SLC9A9: variants seen among roughly 807,000 people sequenced by gnomAD.
SLC9A9 encodes solute carrier family 9 member A9.
A neutral mutation model predicts 77.8 loss-of-function variants in SLC9A9; 62 were observed. The observed-to-expected ratio is 0.80, with a 90% CI of 0.65 to 0.98. The LOEUF (loss-of-function observed/expected upper bound fraction) is 0.98, where lower values mean the gene tolerates loss of function less well. Ranked by LOEUF, SLC9A9 falls within the 50% of genes least tolerant of loss-of-function variation. SLC9A9 has a pLI of 0.00. For synonymous variants in SLC9A9, 320 were observed against 283.5 expected (o/e 1.13, Z -1.29); for missense variants, 775 against 774.9 (o/e 1.00, Z 0.00).
intron 9 of SLC9A9, among the ~76,000 whole-genome samples, chr3:143,524,910 C>T (rs1023855399): frequency 2.6e-5 from 4 of 152,130 alleles, no homozygotes; most frequent in South Asian, 2.1e-4. Flanking sequence ...TGCCATGTTA[C>T]GATGCCATAG....
chr3:143,402,274 G>A (rs1246114492), intron 12 of SLC9A9, among the ~76,000 whole-genome samples: 2 of 152,098 alleles, frequency 1.3e-5, no homozygotes, highest in Admixed American at 1.3e-4. Flanking sequence ...AAAATCCTTT[G>A]GCATGAATAG....
chr3:143,631,504 G>A (rs746428049), intron 6 of SLC9A9, among the ~76,000 whole-genome samples: 13 of 152,114 alleles, frequency 8.5e-5, no homozygotes, highest in Non-Finnish European at 1.9e-4. Flanking sequence ...CAGGGGTTGG[G>A]CAGGCAATGT....
At chr3:143,286,265 T>C (rs1170111489) in intron 14 of SLC9A9, among the ~76,000 whole-genome samples, 3 of 152,146 alleles carry the variant, frequency 2.0e-5, no homozygotes, top group Admixed American at 2.0e-4. Flanking sequence ...GCAGTAGTGG[T>C]AGGAAGGGGT....
intron 3 of SLC9A9, among the ~76,000 whole-genome samples, chr3:143,796,615 T>G (rs867735848): frequency 9.2e-5 from 14 of 152,188 alleles, no homozygotes; most frequent in African/African-American, 3.4e-4. Flanking sequence ...AAGAGCTCAA[T>G]AGTTACATGT....
chr3:143,659,990 C>A (rs896560783), intron 5 of SLC9A9, among the ~76,000 whole-genome samples: 13 of 152,202 alleles, frequency 8.5e-5, no homozygotes, highest in African/African-American at 3.1e-4. Context: ...TGCCTGCCAC[C>A]GTGTAAGACG....
chr3:143,583,888 T>A (rs2037496295), intron 6 of SLC9A9, among the ~76,000 whole-genome samples: 1 of 152,174 alleles, frequency 6.6e-6, no homozygotes, highest in Non-Finnish European at 1.5e-5. Flanking sequence ...CCTACCATCT[T>A]TGGGTGGCAG....
intron 12 of SLC9A9, among the ~76,000 whole-genome samples, chr3:143,464,083 A>C (rs1051975838): frequency 6.6e-6 from 1 of 152,218 alleles, no homozygotes; most frequent in Non-Finnish European, 1.5e-5. Context: ...AAGGCCACGT[A>C]AAGTAGATAA....
chr3:143,445,071 T>C (rs184201534), intron 12 of SLC9A9, among the ~76,000 whole-genome samples: 8 of 152,262 alleles, frequency 5.3e-5, no homozygotes, highest in Admixed American at 4.6e-4. Flanking sequence ...GGTCAGAAAG[T>C]AAGCCACCTC....
At chr3:143,600,993 G>A (rs1351445590) in intron 6 of SLC9A9, among the ~76,000 whole-genome samples, 3 of 152,118 alleles carry the variant, frequency 2.0e-5, no homozygotes, top group South Asian at 2.1e-4. Context: ...GGATGTAAGC[G>A]GAAATGTTGC....
intron 12 of SLC9A9, among the ~76,000 whole-genome samples, chr3:143,408,573 G>A (rs960097889): frequency 2.6e-5 from 4 of 152,228 alleles, no homozygotes; most frequent in African/African-American, 9.6e-5. Context: ...GCCTCGAGCA[G>A]GGTGTCTTTC....
At chr3:143,518,144 C>G (rs921208285) in intron 9 of SLC9A9, 1 of 1,600,234 alleles carries the variant, frequency 6.2e-7, no homozygotes, top group Non-Finnish European at 8.5e-7. Flanking sequence ...CCTCAGGAAG[C>G]GCATTTCCTC....
intron 6 of SLC9A9, among the ~76,000 whole-genome samples, chr3:143,593,027 G>A (rs1422482690): frequency 1.3e-5 from 2 of 152,112 alleles, no homozygotes; most frequent in Non-Finnish European, 2.9e-5. Context: ...AACTTGGAAT[G>A]CATATTCCTT....
intron 2 of SLC9A9, among the ~76,000 whole-genome samples, chr3:143,825,081 A>G (rs1418862161): frequency 6.6e-6 from 1 of 152,158 alleles, no homozygotes; most frequent in Non-Finnish European, 1.5e-5. Flanking sequence ...TATCCTACAA[A>G]TGCTTCTCCA....
intron 6 of SLC9A9, among the ~76,000 whole-genome samples, chr3:143,582,282 T>C (rs1467095191): frequency 2.6e-5 from 4 of 152,222 alleles, no homozygotes; most frequent in African/African-American, 7.2e-5. Flanking sequence ...ACCTCATCTG[T>C]AAAATGGAGA....
intron 12 of SLC9A9, among the ~76,000 whole-genome samples, chr3:143,456,629 A>AT (rs1214959382): frequency 6.6e-6 from 1 of 151,918 alleles, no homozygotes; most frequent in African/African-American, 2.4e-5. Flanking sequence ...CAGTGGCACA[A>AT]TATCGGCTCA....
At chr3:143,787,098 C>T (rs1401932506) in intron 4 of SLC9A9, among the ~76,000 whole-genome samples, 1 of 152,154 alleles carries the variant, frequency 6.6e-6, no homozygotes, top group Non-Finnish European at 1.5e-5. Flanking sequence ...CCTGCCAACC[C>T]GAGTTGTTCT....
At chr3:143,634,147 C>CTTTTTTTTTTTTTTTTTTT (rs1033629087) in intron 6 of SLC9A9, among the ~76,000 whole-genome samples, 11 of 149,220 alleles carry the variant, frequency 7.4e-5, no homozygotes, top group African/African-American at 2.8e-4. Flanking sequence ...ATAATCCTTT[C>CTTTTTTTTTTTTTTTTTTT]TTTAAGCTTG....
At chr3:143,813,057 C>T (rs1342231715) in intron 2 of SLC9A9, among the ~76,000 whole-genome samples, 2 of 151,740 alleles carry the variant, frequency 1.3e-5, no homozygotes, top group African/African-American at 4.8e-5. Flanking sequence ...GGGCATTTGG[C>T]ATAAGAATTT....
In SLC9A9 at chr3:143,429,283, G is replaced by A. The variant is rs191101743; in HGVS notation, c.1469+37754C>T. On this transcript the variant is annotated intron_variant, in intron 12 of 15. Transcript: ENST00000316549. The stretch of plus-strand genomic sequence containing the variant: ...ATTGTTAGTATAAATGGGACATTTA[G>A]CAGAGGAATTTCTTTAGGAACTGAA... Among the ~76,000 whole-genome samples, 15 of 152,308 alleles carry A rather than the reference G, an allele frequency of 9.8e-5. 1 individual carries two copies. Among genetic ancestry groups the A allele is most frequent in the Admixed American group, 7.8e-4 (12 of 15,304 alleles).
Sources: gnomAD v4.1 joint callset for allele counts (sites outside exome capture counted in the v4.1 genomes callset) on GRCh38, gnomAD v4.1.1 for gene constraint, MANE v1.5 for transcripts, NCBI Gene and HGNC (gene_info 2026-07-23, HGNC 2026-07-21) for gene names.